PCDHGB3: variants seen among roughly 807,000 people sequenced by gnomAD.
The protein encoded by PCDHGB3 is protocadherin gamma-B3.
PCDHGB3 carries 40 observed loss-of-function variants against 59.2 expected under a neutral mutation model. The ratio of observed to expected loss-of-function variants is 0.68; its 90% CI spans 0.52 to 0.88. The LOEUF (loss-of-function observed/expected upper bound fraction) is 0.88, where lower values mean the gene tolerates loss of function less well. PCDHGB3 is among the 40% of genes least tolerant of loss of function. The pLI is 0.00. For missense variants in PCDHGB3, 1,309 were observed against 1,187.9 expected (o/e 1.10, Z -1.50); for synonymous variants, 581 against 503.6 (o/e 1.15, Z -2.06).
Position 141,419,737 on chromosome 5 carries a change from G to A in PCDHGB3, c.2415+46928G>A, listed in dbSNP as rs201663350. 29 of 1,613,836 alleles carry A rather than the reference G, an allele frequency of 1.8e-5. No individual in the cohort carries two copies. In the African/African-American group the frequency reaches 3.6e-4, roughly 20 times the overall value. ...GCCTGGGGCTGCGAACAGGCGAGGTGCGCATGGTGCGTGCTTTGGGTGACA... is the reference window on the plus strand; with the variant it reads ...GCCTGGGGCTGCGAACAGGCGAGGTACGCATGGTGCGTGCTTTGGGTGACA... On this transcript the variant is annotated intron_variant, in intron 1 of 3. Transcript: ENST00000576222.
rs562479827 is a variant in PCDHGB3, at chr5:141,430,802, C to A, written c.2415+57993C>A. The A allele has an allele frequency of 1.2e-5, 18 of 1,524,776 alleles. No homozygotes were observed. The East Asian group carries it at 3.9e-4, about 33-fold the overall frequency. The allele number at this position is 1,524,776 out of a possible 1,614,324, so 94.5% of individuals were successfully genotyped here. On this transcript the variant is annotated intron_variant, in intron 1 of 3. Coordinates refer to ENST00000576222, the MANE Select transcript of PCDHGB3 (RefSeq NM_018924.5). ...GCACCGGGACTACAAAGGGCTTGTC[C>A]TGCTGGGAATCCTCCTGGGGACTCT... is the stretch of plus-strand genomic sequence containing the variant.
rs369691483 is a variant in PCDHGB3 at position 141,383,272 on chromosome 5, G to A, written c.2415+10463G>A. 65 of 1,613,802 alleles carry A rather than the reference G, an allele frequency of 4.0e-5. No homozygotes were observed. Among genetic ancestry groups the A allele is most frequent in the Non-Finnish European group, 5.3e-5 (62 of 1,179,884 alleles). On this transcript the variant is annotated intron_variant, in intron 1 of 3. Transcript: ENST00000576222. The stretch of plus-strand genomic sequence containing the variant: ...TTACCCTATAGACGTGGAAATAATA[G>A]ATATTAATGACAACGTTCCAAGATT...
rs374647960 is a variant in PCDHGB3, at chr5:141,372,268, A to T, written c.1874A>T (p.Glu625Val). The T allele has an allele frequency of 1.6e-5, 26 of 1,613,010 alleles. No individual in the cohort carries two copies. Among genetic ancestry groups the T allele is most frequent in the Non-Finnish European group, 1.9e-5 (23 of 1,179,792 alleles). ...TTCAGCCTGGGCCTGCGCACGGGTG[A>T]GGTGCGCACGGCGCGTACCTTGGGC... ...GLFSLGLRTG[E>V]VRTARTLGDR... Residue 625 changes from glutamate to valine, a missense_variant, in exon 1 of 4, where the codon GAG (glutamate) becomes GTG (valine). Transcript: ENST00000576222.
intron 2 of PCDHGB3, among the ~76,000 whole-genome samples, chr5:141,503,855 TA>T (rs2099832899): frequency 1.3e-5 from 2 of 152,136 alleles, no homozygotes; most frequent in Non-Finnish European, 2.9e-5. Context: ...GGAAAAATTG[TA>T]AAGCAGTTCT....
rs559636619 is a variant in PCDHGB3 at position 141,371,768 on chromosome 5, C to A, written c.1374C>A (p.Thr458=). ...CCGTTTTCCACCAGGCCTCCTACAC[C>A]GTGCATGTAGCTGAGAACAATCCGC... ...NVPVFHQASY[T]VHVAENNPPG... is the part of the protein sequence containing the mutation. Residue 458 remains threonine (T), a synonymous_variant, in exon 1 of 4, where the codon ACC becomes ACA. Coordinates refer to ENST00000576222, the MANE Select transcript of PCDHGB3 (RefSeq NM_018924.5). 6.8e-6 allele frequency: 11 copies of A among 1,614,032 alleles called. No homozygotes were observed. The South Asian group carries it at 7.7e-5, about 11-fold the overall frequency.
intron 1 of PCDHGB3, chr5:141,433,354 T>C: frequency 1.7e-6 from 1 of 602,322 alleles, no homozygotes; most frequent in Non-Finnish European, 2.9e-6. Flanking sequence ...CCACCTACTG[T>C]CTGCCTATCT....
chr5:141,436,859 A>T (rs550974791), intron 1 of PCDHGB3, among the ~76,000 whole-genome samples: 1 of 152,250 alleles, frequency 6.6e-6, no homozygotes, highest in Non-Finnish European at 1.5e-5. Flanking sequence ...TTGAGAAGCC[A>T]CAGTTTTAGG....
In PCDHGB3 at chr5:141,488,435, C is replaced by T. The variant is rs111661764; in HGVS notation, c.2416-6372C>T. Among the ~76,000 whole-genome samples, 87 of 152,276 alleles carry T rather than the reference C, an allele frequency of 5.7e-4. 1 individual carries two copies. The highest frequency in any genetic ancestry group is 1.6e-3 in the African/African-American group (67 of 41,546). On this transcript the variant is annotated intron_variant, in intron 1 of 3. Transcript: ENST00000576222. ...AAGCCATCCATGCTTGGCCTCTGAC[C>T]ACCCTCCTGGGTGACCTGATTCAGC...
chr5:141,446,423 T>C (rs745968692), intron 1 of PCDHGB3, among the ~76,000 whole-genome samples: 1 of 152,152 alleles, frequency 6.6e-6, no homozygotes, highest in Non-Finnish European at 1.5e-5. Context: ...CATGTTCATT[T>C]GAAGGATCTG....
intron 1 of PCDHGB3, chr5:141,414,279 A>G (rs1369675815): frequency 1.9e-6 from 3 of 1,613,350 alleles, no homozygotes; most frequent in Admixed American, 3.3e-5. Context: ...CTCTGGGAAC[A>G]GTCGTAGCCC....
intron 1 of PCDHGB3, chr5:141,375,068 G>A: frequency 6.2e-7 from 1 of 1,614,016 alleles, no homozygotes; most frequent in Non-Finnish European, 8.5e-7. Flanking sequence ...AGGTCTTCGA[G>A]ACAGAGCGAA....
At position 141,370,888 on chromosome 5, in the gene PCDHGB3, A is replaced by T. The variant is rs765704496; in HGVS notation, c.494A>T (p.Asn165Ile). 3 of 1,614,036 alleles carry T rather than the reference A, an allele frequency of 1.9e-6. No homozygotes were observed. Among genetic ancestry groups the T allele is most frequent in the Non-Finnish European group, 2.5e-6 (3 of 1,179,898 alleles). Residue 165 changes from asparagine (N) to isoleucine (I), a missense_variant, in exon 1 of 4, where the codon AAT becomes ATT. Coordinates refer to ENST00000576222, the MANE Select transcript of PCDHGB3 (RefSeq NM_018924.5). ...GCGCAAGATCCTGATGTAGGTGTCAATTCGCTGCAGCAGTACTACCTCAGC... is the reference window on the plus strand; with the variant it reads ...GCGCAAGATCCTGATGTAGGTGTCATTTCGCTGCAGCAGTACTACCTCAGC... ...ESAQDPDVGV[N>I]SLQQYYLSPD...
rs1296629306 is a variant in PCDHGB3 at position 141,371,481 on chromosome 5, G to A, written c.1087G>A (p.Gly363Arg). The A allele has an allele frequency of 6.2e-7, 1 of 1,613,956 alleles. No homozygotes were observed. Among genetic ancestry groups the A allele is most frequent in the South Asian group, 1.1e-5 (1 of 91,072 alleles). ...SQHIQEDAEL[G>R]TAVALIKTHD... The stretch of plus-strand genomic sequence containing the variant: ...ACATATACAAGAAGATGCTGAGCTG[G>A]GGACTGCCGTTGCCCTGATCAAAAC... Residue 363 changes from glycine to arginine, a missense_variant, in exon 1 of 4, where the codon GGG (glycine) becomes AGG (arginine). Coordinates refer to ENST00000576222, the MANE Select transcript of PCDHGB3 (RefSeq NM_018924.5).
At chr5:141,373,976 G>T (rs1357062991) in intron 1 of PCDHGB3, 1 of 1,066,506 alleles carries the variant, frequency 9.4e-7, no homozygotes, top group Non-Finnish European at 1.3e-6. Context: ...CTTCGCATCC[G>T]GTCTCTGCTT....
chr5:141,436,207 A>T (rs544201723), intron 1 of PCDHGB3, among the ~76,000 whole-genome samples: 1 of 152,142 alleles, frequency 6.6e-6, no homozygotes, highest in Admixed American at 6.5e-5. Context: ...ACATAATAGG[A>T]AAACAAATGA....
At chr5:141,423,549 C>T (rs748764057) in intron 1 of PCDHGB3, 113 of 1,613,568 alleles carry the variant, frequency 7.0e-5, no homozygotes, top group Non-Finnish European at 8.7e-5. Flanking sequence ...TCCCCCAGCC[C>T]AACTATGGGG....
chr5:141,449,067 T>A lies in PCDHGB3; in HGVS notation c.2416-45740T>A, dbSNP rs547833131. On this transcript the variant is annotated intron_variant, in intron 1 of 3. Transcript: ENST00000576222. ...AGTCTCATAAATGAGCGCTATTGAA[T>A]AGCCCTGTACCTACATCAGTTTTTA... Among the ~76,000 whole-genome samples the A allele has an allele frequency of 3.3e-5, 5 of 152,342 alleles. No homozygotes were observed. In the East Asian group the frequency reaches 9.6e-4, roughly 29 times the overall value.
chr5:141,383,972 A>C, intron 1 of PCDHGB3: 1 of 1,613,800 alleles, frequency 6.2e-7, no homozygotes, highest in Non-Finnish European at 8.5e-7. Context: ...TCAATCCCTG[A>C]AGACACACCT....
chr5:141,403,540 G>A (rs752983401), intron 1 of PCDHGB3: 2 of 1,613,886 alleles, frequency 1.2e-6, no homozygotes, highest in African/African-American at 2.7e-5. Context: ...AGCTGGTGCT[G>A]GAGCGCGCCC....
Sources: allele counts gnomAD v4.1 joint callset (sites outside exome capture counted in the v4.1 genomes callset), GRCh38; gene constraint gnomAD v4.1.1; transcripts MANE v1.5; gene names NCBI Gene and HGNC (gene_info 2026-07-23, HGNC 2026-07-21).